Variants in EPB41L4A observed in about 807,000 individuals in gnomAD.
The protein encoded by EPB41L4A is band 4.1-like protein 4A.
In EPB41L4A, 100 loss-of-function variants were observed where a neutral mutation model predicts 108.6. The ratio of observed to expected loss-of-function variants is 0.92; its 90% confidence interval spans 0.78 to 1.09. EPB41L4A has a LOEUF of 1.09. Ranked by LOEUF, EPB41L4A falls within the 50% of genes least tolerant of loss-of-function variation. EPB41L4A has a pLI of 0.00. For synonymous variants in EPB41L4A, 319 were observed against 289.0 expected (o/e 1.10, Z -1.05); for missense variants, 1,030 against 842.7 (o/e 1.22, Z -2.75).
Position 112,165,103 on chromosome 5 carries a change from T to G in EPB41L4A, c.1948A>C (p.Lys650Gln), listed in dbSNP as rs768227870. ...ATVHQRRNGSKDSLMEEKPQT... is the reference protein window; with the variant it reads ...ATVHQRRNGSQDSLMEEKPQT... Reference sequence around the variant, plus strand: ...GGTTTTTCTTCCATCAGGCTATCTTTAGACCCATTTCTTCTCTAAAATATA... The same window carrying G: ...GGTTTTTCTTCCATCAGGCTATCTTGAGACCCATTTCTTCTCTAAAATATA... The change falls in exon 23 of 23, where the codon AAA (lysine) becomes CAA (glutamine). Residue 650 changes from lysine (K) to glutamine (Q), a missense_variant. By Grantham distance (53) the Lys-to-Gln change is moderately conservative (BLOSUM62 1). Coordinates refer to ENST00000261486, the MANE Select transcript of EPB41L4A (RefSeq NM_022140.5). 2 of 1,534,816 alleles carry G rather than the reference T, an allele frequency of 1.3e-6. No individual in the cohort carries two copies. Among genetic ancestry groups the G allele is most frequent in the South Asian group, 2.3e-5 (2 of 87,030 alleles).
intron 12 of EPB41L4A, among the ~76,000 whole-genome samples, chr5:112,229,233 T>C (rs1285843404): frequency 2.6e-5 from 4 of 152,120 alleles, no homozygotes; most frequent in African/African-American, 9.7e-5. Flanking sequence ...CACATCACAT[T>C]TATTCATTTG....
intron 1 of EPB41L4A, among the ~76,000 whole-genome samples, chr5:112,366,370 G>A (rs1759119629): frequency 6.6e-6 from 1 of 151,992 alleles, no homozygotes; most frequent in Non-Finnish European, 1.5e-5. Flanking sequence ...CAAAGCAACT[G>A]AGGAGAGTTA....
intron 1 of EPB41L4A, among the ~76,000 whole-genome samples, chr5:112,370,423 A>G (rs1485176983): frequency 6.6e-6 from 1 of 151,894 alleles, no homozygotes; most frequent in Non-Finnish European, 1.5e-5. Context: ...TTTTCCTGTC[A>G]TTTTGATTTT....
chr5:112,388,938 G>GT (rs1760744407), intron 1 of EPB41L4A, among the ~76,000 whole-genome samples: 1 of 152,086 alleles, frequency 6.6e-6, no homozygotes, highest in Admixed American at 6.5e-5. Flanking sequence ...GCTCCCAGAG[G>GT]TAAATACACA....
At chr5:112,286,431 C>T (rs1753286666) in intron 2 of EPB41L4A, among the ~76,000 whole-genome samples, 2 of 152,132 alleles carry the variant, frequency 1.3e-5, no homozygotes, top group South Asian at 2.1e-4. Flanking sequence ...CATTTTATTC[C>T]GTCATTCTCC....
intron 2 of EPB41L4A, among the ~76,000 whole-genome samples, chr5:112,302,472 C>A (rs959695875): frequency 3.9e-5 from 6 of 152,162 alleles, no homozygotes; most frequent in Non-Finnish European, 8.8e-5. Flanking sequence ...GAGTAGTGAA[C>A]AACAGCTAAA....
intron 1 of EPB41L4A, among the ~76,000 whole-genome samples, chr5:112,340,574 A>G (rs1017992088): frequency 4.6e-5 from 7 of 152,206 alleles, no homozygotes; most frequent in South Asian, 2.1e-4. Flanking sequence ...TAGTTCTCAT[A>G]TAAAGACTAA....
At chr5:112,402,798 A>G (rs191774993) in intron 1 of EPB41L4A, among the ~76,000 whole-genome samples, 127 of 152,302 alleles carry the variant, frequency 8.3e-4, no homozygotes, top group Non-Finnish European at 1.5e-3. Flanking sequence ...TCTTGAATAC[A>G]TACCTGTTTT....
intron 1 of EPB41L4A, among the ~76,000 whole-genome samples, chr5:112,371,785 T>C (rs1420522970): frequency 2.6e-5 from 4 of 152,194 alleles, no homozygotes; most frequent in African/African-American, 9.6e-5. Flanking sequence ...CACCTCTTTC[T>C]AAATTCTGGA....
chr5:112,308,423 A>C (rs762098391), intron 1 of EPB41L4A, among the ~76,000 whole-genome samples: 20 of 152,324 alleles, frequency 1.3e-4, no homozygotes, highest in Non-Finnish European at 1.9e-4. Flanking sequence ...TGTTAACATG[A>C]GAGAAATGTT....
At chr5:112,394,859 A>G (rs1761223298) in intron 1 of EPB41L4A, among the ~76,000 whole-genome samples, 1 of 152,270 alleles carries the variant, frequency 6.6e-6, no homozygotes, top group African/African-American at 2.4e-5. Flanking sequence ...ACAAGGCTAC[A>G]GTAACCAAAA....
chr5:112,348,825 T>C (rs908567174), intron 1 of EPB41L4A, among the ~76,000 whole-genome samples: 6 of 152,178 alleles, frequency 3.9e-5, no homozygotes, highest in Admixed American at 3.9e-4. Flanking sequence ...AAAATCTCAC[T>C]AGAGCCCATC....
chr5:112,293,622 C>T (rs115534963), intron 2 of EPB41L4A, among the ~76,000 whole-genome samples: 1,834 of 152,260 alleles, frequency 0.012, 23 homozygotes, highest in Middle Eastern at 0.02. Flanking sequence ...CTTCAAGAGC[C>T]GTTTTTGAGT....
At chr5:112,193,023 T>G (rs2150258291) in intron 17 of EPB41L4A, among the ~76,000 whole-genome samples, 1 of 152,318 alleles carries the variant, frequency 6.6e-6, no homozygotes, top group African/African-American at 2.4e-5. Flanking sequence ...CACATATGGG[T>G]TTTCAAAGAA....
At chr5:112,365,037 T>C (rs1759036293) in intron 1 of EPB41L4A, among the ~76,000 whole-genome samples, 1 of 152,312 alleles carries the variant, frequency 6.6e-6, no homozygotes, top group East Asian at 1.9e-4. Context: ...ACCTTGCCTG[T>C]CTTGTTTGAC....
intron 1 of EPB41L4A, among the ~76,000 whole-genome samples, chr5:112,330,338 T>C (rs1756482182): frequency 6.6e-6 from 1 of 152,098 alleles, no homozygotes. Context: ...ACACAATCAG[T>C]GTCTCGGTTT....
At chr5:112,386,309 T>A (rs1471471970) in intron 1 of EPB41L4A, among the ~76,000 whole-genome samples, 1 of 152,222 alleles carries the variant, frequency 6.6e-6, no homozygotes, top group Non-Finnish European at 1.5e-5. Context: ...AGCAAATTAC[T>A]CCTGTCTAAT....
intron 1 of EPB41L4A, among the ~76,000 whole-genome samples, chr5:112,310,364 T>G (rs959739677): frequency 2.0e-5 from 3 of 152,210 alleles, no homozygotes; most frequent in African/African-American, 7.2e-5. Flanking sequence ...TTCAAAATGC[T>G]CCTCCACATT....
intron 2 of EPB41L4A, among the ~76,000 whole-genome samples, chr5:112,284,048 A>G (rs1210333212): frequency 2.6e-5 from 4 of 152,228 alleles, no homozygotes; most frequent in African/African-American, 4.8e-5. Flanking sequence ...TTTCCATGTA[A>G]TAACACAGAA....
Sources: allele counts gnomAD v4.1 joint callset (sites outside exome capture counted in the v4.1 genomes callset), GRCh38; gene constraint gnomAD v4.1.1; transcripts MANE v1.5; gene names NCBI Gene and HGNC (gene_info 2026-07-23, HGNC 2026-07-21).